The following GABPA variants were observed in gnomAD, a reference collection of about 807,000 sequenced individuals.
The protein encoded by GABPA is GA-binding protein alpha chain.
In GABPA, 4 loss-of-function variants were observed where a neutral mutation model predicts 59.4. The ratio of observed to expected loss-of-function variants is 0.07; its 90% confidence interval spans 0.03 to 0.15. The LOEUF (loss-of-function observed/expected upper bound fraction) is 0.15, where lower values mean the gene tolerates loss of function less well. GABPA is among the 10% of genes least tolerant of loss of function. The pLI, the probability that GABPA is intolerant of heterozygous loss-of-function variation, is 1.00. For missense variants in GABPA, 251 were observed against 543.8 expected, an observed-to-expected ratio of 0.46 and a Z score of 5.36; for synonymous variants, 164 against 183.1, an observed-to-expected ratio of 0.90 and a Z score of 0.84.
intron 7 of GABPA, chr21:25,763,395 T>C (rs1348992397): frequency 9.5e-6 from 2 of 210,728 alleles, no homozygotes; most frequent in Non-Finnish European, 1.9e-5. Context: ...AAATTTTTAA[T>C]GAGGAATTTG....
At chr21:25,737,501 T>C (rs532490557) in intron 1 of GABPA, among the ~76,000 whole-genome samples, 2 of 150,040 alleles carry the variant, frequency 1.3e-5, no homozygotes, top group African/African-American at 4.8e-5. Context: ...GCATGGGTTT[T>C]TGTTTTGTTT....
At chr21:25,751,330 T>A (rs2035506714) in intron 4 of GABPA, among the ~76,000 whole-genome samples, 2 of 151,366 alleles carry the variant, frequency 1.3e-5, no homozygotes, top group South Asian at 4.1e-4. Context: ...TTGATTTAAT[T>A]CTGGATAGTT....
intron 5 of GABPA, among the ~76,000 whole-genome samples, 156 bp from the exon 6 acceptor site, chr21:25,757,854 T>A (rs1221926851): frequency 6.9e-6 from 1 of 145,932 alleles, no homozygotes; most frequent in Non-Finnish European, 1.5e-5. Context: ...GCATAATTTT[T>A]TTTTTTTTTT....
At chr21:25,750,765 T>G (rs1461669893) in intron 4 of GABPA, among the ~76,000 whole-genome samples, 1 of 152,224 alleles carries the variant, frequency 6.6e-6, no homozygotes, top group Non-Finnish European at 1.5e-5. Context: ...TTAGTAGTTT[T>G]TATCTTTAAA....
At chr21:25,736,979 A>G (rs1162665972) in intron 1 of GABPA, among the ~76,000 whole-genome samples, 1 of 152,224 alleles carries the variant, frequency 6.6e-6, no homozygotes, top group Non-Finnish European at 1.5e-5. Flanking sequence ...ATTGGGAACA[A>G]AATGTTCTAA....
chr21:25,738,243 C>G (rs1333783453), intron 1 of GABPA, among the ~76,000 whole-genome samples: 1 of 152,210 alleles, frequency 6.6e-6, no homozygotes, highest in Non-Finnish European at 1.5e-5. Context: ...CCCCAACACA[C>G]ACATGGTATA....
intron 5 of GABPA, among the ~76,000 whole-genome samples, chr21:25,753,747 A>G (rs550498841): frequency 6.6e-6 from 1 of 152,310 alleles, no homozygotes; most frequent in African/African-American, 2.4e-5. Context: ...CAAATAAATA[A>G]TACTGATCTT....
At chr21:25,748,922 A>C (rs2035437291) in intron 3 of GABPA, 114 bp from the exon 4 acceptor site, 15 of 683,130 alleles carry the variant, frequency 2.2e-5, no homozygotes, top group Admixed American at 5.7e-5. Flanking sequence ...TAATTTAATT[A>C]GTATGTTCAG....
intron 4 of GABPA, among the ~76,000 whole-genome samples, chr21:25,749,928 G>A (rs909678479): frequency 2.0e-5 from 3 of 152,212 alleles, no homozygotes; most frequent in Non-Finnish European, 2.9e-5. Context: ...CAGTTTTTCC[G>A]TGGATTGGGG....
chr21:25,736,288 C>T (rs1409405720), intron 1 of GABPA, among the ~76,000 whole-genome samples: 1 of 152,142 alleles, frequency 6.6e-6, no homozygotes, highest in Non-Finnish European at 1.5e-5. Context: ...AAATTCATTT[C>T]ATAAGTAGTT....
intron 1 of GABPA, among the ~76,000 whole-genome samples, chr21:25,737,540 G>T (rs941944650): frequency 6.6e-6 from 1 of 151,970 alleles, no homozygotes; most frequent in African/African-American, 2.4e-5. Flanking sequence ...CACTTTCTAG[G>T]GATTGGTCTA....
intron 1 of GABPA, among the ~76,000 whole-genome samples, chr21:25,736,107 GAAGT>G (rs1384782405): frequency 6.6e-6 from 1 of 152,168 alleles, no homozygotes; most frequent in African/African-American, 2.4e-5. Flanking sequence ...TTTAAGCAAG[GAAGT>G]AAACCAAGGA....
chr21:25,746,843 A>G (rs982323555), intron 3 of GABPA, among the ~76,000 whole-genome samples: 1 of 152,204 alleles, frequency 6.6e-6, no homozygotes, highest in Non-Finnish European at 1.5e-5. Flanking sequence ...GTAGGTAAAG[A>G]TATATGCATG....
chr21:25,765,186 C>T (rs891073158), intron 9 of GABPA, among the ~76,000 whole-genome samples: 2 of 151,970 alleles, frequency 1.3e-5, no homozygotes, highest in Admixed American at 6.6e-5. Flanking sequence ...TCTGGATATC[C>T]AATCTTTACA....
intron 9 of GABPA, among the ~76,000 whole-genome samples, chr21:25,765,015 G>A (rs1464427746): frequency 2.0e-5 from 3 of 151,060 alleles, no homozygotes; most frequent in Non-Finnish European, 4.4e-5. Flanking sequence ...TGATTTGAAA[G>A]CTATAATACT....
chr21:25,735,711 C>G (rs1055569303), intron 1 of GABPA, 133 bp downstream of exon 1: 2 of 151,454 alleles, frequency 1.3e-5, no homozygotes, highest in African/African-American at 4.9e-5. Context: ...GGCGCTGTGA[C>G]TCCCATTTCC....
Position 25,750,263 on chromosome 21 carries a change from G to A in GABPA, c.307+1143G>A, listed in dbSNP as rs909972677. Among the ~76,000 whole-genome samples the A allele has an allele frequency of 2.6e-5, 4 of 152,284 alleles. No individual in the cohort carries two copies. In the East Asian group the frequency reaches 7.7e-4, roughly 29 times the overall value. On this transcript the variant is annotated intron_variant, in intron 4 of 9. Transcript: ENST00000400075. The stretch of plus-strand genomic sequence containing the variant: ...GGCGGTAATGTGAGTGAAAGGGAGC[G>A]ACTGTAAATACAGATGAAACTTTAT...
At position 25,772,228 on chromosome 21, in the gene GABPA, A is replaced by G. The variant is rs188295759; in HGVS notation, c.*2996A>G. 2.6e-5 allele frequency: 4 copies of G among 152,200 alleles called. No individual in the cohort carries two copies. In the East Asian group the frequency reaches 7.7e-4, roughly 29 times the overall value. The allele number at this position is 152,200 out of a possible 1,614,324, so 9.4% of individuals were successfully genotyped here. Reference sequence around the variant, plus strand: ...CAATATTTCACTTGCTGCCAGGAAAAACAAAATTCTCAATCTTTTGTAAAT... The same window carrying G: ...CAATATTTCACTTGCTGCCAGGAAAGACAAAATTCTCAATCTTTTGTAAAT... On this transcript the variant is annotated 3_prime_UTR_variant, in exon 10 of 10. Coordinates refer to ENST00000400075, the MANE Select transcript of GABPA (RefSeq NM_002040.4).
At chr21:25,743,584 CTTT>C (rs58148744) in intron 2 of GABPA, among the ~76,000 whole-genome samples, 2 of 134,768 alleles carry the variant, frequency 1.5e-5, no homozygotes, top group Non-Finnish European at 3.3e-5. Context: ...ATGAGATCAT[CTTT>C]TTTTTTTTTT....
Sources: allele counts gnomAD v4.1 joint callset (sites outside exome capture counted in the v4.1 genomes callset), GRCh38; gene constraint gnomAD v4.1.1; transcripts MANE v1.5; gene names NCBI Gene and HGNC (gene_info 2026-07-23, HGNC 2026-07-21).